TMEM223: variants seen among roughly 807,000 people sequenced by gnomAD.
TMEM223 encodes the protein transmembrane protein 223.
In TMEM223, 14 loss-of-function variants were observed where a neutral mutation model predicts 14.1. The ratio of observed to expected loss-of-function variants is 0.99; its 90% CI spans 0.66 to 1.55. The LOEUF (loss-of-function observed/expected upper bound fraction) is 1.55. TMEM223 is among the 40% of genes most tolerant of loss of function. TMEM223 has a pLI of 0.00. For synonymous variants in TMEM223, 145 were observed against 120.5 expected (o/e 1.20, Z -1.33); for missense variants, 346 against 269.9 (o/e 1.28, Z -1.97).
chr11:62,776,049 A>G, intron 1 of TMEM223: 1 of 1,286,718 alleles, frequency 7.8e-7, no homozygotes, highest in Non-Finnish European at 1.1e-6. Context: ...CAACAGAGAC[A>G]GTCCATGCCT....
intron 1 of TMEM223, chr11:62,782,134 C>T (rs2084234567): frequency 5.0e-6 from 8 of 1,610,838 alleles, no homozygotes; most frequent in Non-Finnish European, 5.1e-6. Flanking sequence ...AAGCCATGAC[C>T]TGGAGCAACT....
chr11:62,775,076 A>AG (rs1049949145), intron 1 of TMEM223, among the ~76,000 whole-genome samples: 5 of 151,770 alleles, frequency 3.3e-5, no homozygotes, highest in African/African-American at 1.2e-4. Context: ...AAAAAAAAAA[A>AG]AAAAGAAAAG....
downstream of TMEM223, chr11:62,787,266 C>A: frequency 6.4e-7 from 1 of 1,561,526 alleles, no homozygotes. Context: ...GGTGGGCGCT[C>A]TCGGACTACT....
At position 62,791,917 on chromosome 11, in the gene TMEM223, T is replaced by C; in HGVS notation, c.78A>G (p.Gln26=). The change falls in exon 1 of 2, where the codon CAA becomes CAG. Residue 26 remains glutamine, a synonymous_variant. Transcript: ENST00000307366. ...LRPLLTCRPL[Q]GTTLQRDVLL... is the part of the protein sequence containing the mutation. The stretch of plus-strand genomic sequence containing the variant: ...GCACATCCCGTTGCAGCGTCGTGCC[T>C]TGCAGGGGCCGGCAGGTGAGCAGGG... 1 of 1,600,032 alleles carries C rather than the reference T, an allele frequency of 6.2e-7. No homozygotes were observed. The highest frequency in any genetic ancestry group is 8.5e-7 in the Non-Finnish European group (1 of 1,173,748).
chr11:62,772,305 T>G (rs899702795), intron 2 of TMEM223, among the ~76,000 whole-genome samples: 2 of 151,802 alleles, frequency 1.3e-5, no homozygotes, highest in Non-Finnish European at 2.9e-5. Flanking sequence ...CTGGATTGCC[T>G]GAGCTCAGGA....
Position 62,790,228 on chromosome 11 carries a change from T to A in TMEM223, c.*395A>T, listed in dbSNP as rs1192481939. The A allele has an allele frequency of 3.7e-5, 25 of 668,530 alleles. No individual in the cohort carries two copies. In the Middle Eastern group the frequency reaches 1.2e-3, roughly 33 times the overall value. 41.4% of individuals were successfully genotyped at this position (668,530 alleles called of 1,614,324 possible). ...CAGCTGTTTTTGTACCAAAATATTA[T>A]ATTACTGTCTTCATCTTAGTAGTGA... On this transcript the variant is annotated 3_prime_UTR_variant, in exon 2 of 2. Coordinates refer to ENST00000307366, the MANE Select transcript of TMEM223 (RefSeq NM_001080501.3).
exon 2 of TMEM223, chr11:62,774,617 G>C: frequency 2.2e-6 from 1 of 455,136 alleles, no homozygotes; most frequent in Non-Finnish European, 4.4e-6. Context: ...TGCGTTGTTG[G>C]AGTGAGTCAT....
Position 62,790,876 on chromosome 11 carries a change from C to A in TMEM223, c.356G>T (p.Arg119Leu), listed in dbSNP as rs770271631. 2 of 1,601,082 alleles carry A rather than the reference C, an allele frequency of 1.2e-6. No individual in the cohort carries two copies. The highest frequency in any genetic ancestry group is 1.3e-5 in the African/African-American group (1 of 74,590). ...VLGAGLLFSLRSVRSVVLRAG... is the reference protein window; with the variant it reads ...VLGAGLLFSLLSVRSVVLRAG... ...TCGAAGCACCACTGAGCGCACAGAC[C>A]GGAGAGAGAAGAGAAGACCAGCACC... Residue 119 changes from arginine to leucine, a missense_variant, in exon 2 of 2, where the codon CGG (arginine) becomes CTG (leucine). Transcript: ENST00000307366.
chr11:62,774,225 C>T (rs557693877), intron 2 of TMEM223, among the ~76,000 whole-genome samples: 24 of 152,058 alleles, frequency 1.6e-4, no homozygotes, highest in Admixed American at 1.4e-3. Flanking sequence ...TACAGGCGCC[C>T]GCCACCAAGC....
At chr11:62,775,042 G>A (rs2084175749) in intron 1 of TMEM223, among the ~76,000 whole-genome samples, 1 of 147,596 alleles carries the variant, frequency 6.8e-6, no homozygotes, top group South Asian at 2.1e-4. Context: ...CCAGCCTGGC[G>A]CCAGAGCGAG....
chr11:62,788,138 C>G (rs868362026), downstream of TMEM223, among the ~76,000 whole-genome samples: 35 of 152,376 alleles, frequency 2.3e-4, 1 homozygote, highest in South Asian at 5.0e-3. Flanking sequence ...CGCGGTGACT[C>G]ACGCCTGTAA....
downstream of TMEM223, chr11:62,789,634 C>A: frequency 1.3e-6 from 2 of 1,550,558 alleles, no homozygotes; most frequent in Admixed American, 2.1e-5. Flanking sequence ...CATGGACACC[C>A]CCTGGAACTG....
intron 1 of TMEM223, chr11:62,775,724 C>T (rs573679317): frequency 6.4e-7 from 1 of 1,557,136 alleles, no homozygotes; most frequent in African/African-American, 1.4e-5. Context: ...CTCCTGGGCT[C>T]TCCGGGAGGC....
intron 1 of TMEM223, chr11:62,782,232 C>G (rs370896310): frequency 6.2e-7 from 1 of 1,614,222 alleles, no homozygotes; most frequent in Non-Finnish European, 8.5e-7. Flanking sequence ...TGGGCAGTGT[C>G]CTCTACTGTG....
chr11:62,790,963 A>C, intron 1 of TMEM223, 48 bp from the exon 2 acceptor site: 2 of 1,476,028 alleles, frequency 1.4e-6, no homozygotes, highest in Non-Finnish European at 1.8e-6. Flanking sequence ...CTGGGCATCT[A>C]AGTACCGACC....
downstream of TMEM223, chr11:62,782,575 A>G (rs555567083): frequency 6.6e-5 from 96 of 1,456,396 alleles, no homozygotes; most frequent in African/African-American, 1.2e-3. Flanking sequence ...AGCCTTCTTC[A>G]CTTAACCCCA....
rs148394346 is a variant in TMEM223, at chr11:62,790,057, G to A, written c.*566C>T. ...CCTTTCCCATTCCTGAAGAATAAGC[G>A]GAGTGCTTCCTGCAGCCGAAGACTC... is the stretch of plus-strand genomic sequence containing the variant. On this transcript the variant is annotated 3_prime_UTR_variant, in exon 2 of 2. Transcript: ENST00000307366. 111 of 1,600,242 alleles carry A rather than the reference G, an allele frequency of 6.9e-5. No individual in the cohort carries two copies. The Admixed American group carries it at 1.7e-3, about 25-fold the overall frequency.
chr11:62,777,413 C>G (rs1400008311), intron 1 of TMEM223, among the ~76,000 whole-genome samples: 4 of 152,184 alleles, frequency 2.6e-5, no homozygotes, highest in Non-Finnish European at 2.9e-5. Context: ...CTAGGCCCAG[C>G]CCACCTGGGC....
chr11:62,776,297 C>T (rs377100730), intron 1 of TMEM223: 1 of 1,369,548 alleles, frequency 7.3e-7, no homozygotes, highest in Non-Finnish European at 1.0e-6. Flanking sequence ...TGTTTGCCTT[C>T]TCTCCAGTCT....
Sources: gnomAD v4.1 joint callset for allele counts (sites outside exome capture counted in the v4.1 genomes callset) on GRCh38, gnomAD v4.1.1 for gene constraint, MANE v1.5 for transcripts, NCBI Gene and HGNC (gene_info 2026-07-23, HGNC 2026-07-21) for gene names.